Variants in RSRC1 observed in about 807,000 individuals in gnomAD.
The protein encoded by RSRC1 is arginine and serine rich coiled-coil 1.
In RSRC1, 39 loss-of-function variants were observed where a neutral mutation model predicts 49.1. That is an observed-to-expected ratio of 0.79 (90% CI 0.61 to 1.04). RSRC1 has a LOEUF of 1.04. Among genes scored for constraint, RSRC1 ranks in the 50% least tolerant of loss-of-function variants. The probability of loss-of-function intolerance (pLI) is 0.00; values close to 1 mark genes in which losing one functional copy is unlikely to be tolerated. For missense variants in RSRC1, 388 were observed against 402.4 expected, an observed-to-expected ratio of 0.96 and a Z score of 0.31; for synonymous variants, 143 against 130.8, an observed-to-expected ratio of 1.09 and a Z score of -0.63.
intron 4 of RSRC1, among the ~76,000 whole-genome samples, chr3:158,265,553 A>G (rs1484705381): frequency 6.6e-6 from 1 of 151,646 alleles, no homozygotes; most frequent in Non-Finnish European, 1.5e-5. Context: ...ATTGCTTGAA[A>G]CCGGGAGGCA....
intron 3 of RSRC1, among the ~76,000 whole-genome samples, chr3:158,170,031 A>C (rs1425765400): frequency 6.6e-6 from 1 of 152,148 alleles, no homozygotes; most frequent in African/African-American, 2.4e-5. Context: ...GATCTTCTTT[A>C]GAATTGATTT....
chr3:158,321,680 A>G (rs1728771171), intron 5 of RSRC1, among the ~76,000 whole-genome samples: 1 of 151,766 alleles, frequency 6.6e-6, no homozygotes, highest in South Asian at 2.1e-4. Flanking sequence ...AATGCCAAAA[A>G]CTGCAATTAC....
chr3:158,250,514 G>A (rs1281106278), intron 4 of RSRC1, among the ~76,000 whole-genome samples: 1 of 152,154 alleles, frequency 6.6e-6, no homozygotes, highest in African/African-American at 2.4e-5. Flanking sequence ...CATTTTAACT[G>A]GGGTGAGATA....
At chr3:158,265,248 T>G (rs1037840163) in intron 4 of RSRC1, among the ~76,000 whole-genome samples, 1 of 152,254 alleles carries the variant, frequency 6.6e-6, no homozygotes, top group Non-Finnish European at 1.5e-5. Context: ...TGGAATTTTT[T>G]TCTTGTTGTT....
At chr3:158,113,920 G>C (rs1043780474) in intron 1 of RSRC1, among the ~76,000 whole-genome samples, 1 of 151,786 alleles carries the variant, frequency 6.6e-6, no homozygotes, top group Admixed American at 6.6e-5. Flanking sequence ...CAGTTGTATA[G>C]GTTGCAAAAA....
Position 158,529,218 on chromosome 3 carries a change from A to G in RSRC1, c.653-7874A>G, listed in dbSNP as rs544860496. Among the ~76,000 whole-genome samples, 242 of 128,308 alleles carry G rather than the reference A, an allele frequency of 1.9e-3. 2 individuals are homozygous for G. The highest frequency in any genetic ancestry group is 7.0e-3 in the Admixed American group (92 of 13,200). 84.2% of individuals were successfully genotyped at this position (128,308 alleles called of 152,430 possible). On this transcript the variant is annotated intron_variant, in intron 7 of 9. Transcript: ENST00000611884. ...TGTATATATGTATGTGTGTGTGTAT[A>G]TATATATATATATATATCCTACAAA...
chr3:158,299,572 G>A (rs1038959384), intron 5 of RSRC1, among the ~76,000 whole-genome samples: 3 of 151,994 alleles, frequency 2.0e-5, no homozygotes, highest in Non-Finnish European at 4.4e-5. Context: ...CTGACCTCAG[G>A]TGATCCACCC....
At chr3:158,403,460 A>T (rs1733995566) in intron 6 of RSRC1, among the ~76,000 whole-genome samples, 1 of 151,774 alleles carries the variant, frequency 6.6e-6, no homozygotes, top group African/African-American at 2.4e-5. Context: ...CCAAATAAAA[A>T]AAAATTTAGA....
At chr3:158,352,062 G>T (rs13322986) in intron 5 of RSRC1, among the ~76,000 whole-genome samples, 2,570 of 151,734 alleles carry the variant, frequency 0.017, 66 homozygotes, top group African/African-American at 0.06. Context: ...TTGAGGCCAG[G>T]AGTTTGAGAC....
chr3:158,158,077 A>C (rs918442588), intron 3 of RSRC1, among the ~76,000 whole-genome samples: 4 of 152,216 alleles, frequency 2.6e-5, no homozygotes, highest in African/African-American at 9.6e-5. Context: ...ATTTATGAAT[A>C]GTATGTTCAA....
Position 158,203,203 on chromosome 3 carries a change from A to G in RSRC1, c.452A>G (p.Lys151Arg). 1.9e-6 allele frequency: 3 copies of G among 1,609,894 alleles called. No individual in the cohort carries two copies. The highest frequency in any genetic ancestry group is 1.7e-6 in the Non-Finnish European group (2 of 1,177,880). Reference sequence around the variant, plus strand: ...GATAAAGAGAAAAGAGAAAAGGAGAAGGATAAAGGGAAGGACAAGGAATTA... The same window carrying G: ...GATAAAGAGAAAAGAGAAAAGGAGAGGGATAAAGGGAAGGACAAGGAATTA... Reference protein sequence around the residue: ...GRDKEKREKEKDKGKDKELHN... With the variant: ...GRDKEKREKERDKGKDKELHN... Residue 151 changes from lysine to arginine, a missense_variant, in exon 4 of 10, where the codon AAG becomes AGG. By Grantham distance (26) the Lys-to-Arg change is conservative. Coordinates refer to ENST00000611884, the MANE Select transcript of RSRC1 (RefSeq NM_001271838.2).
chr3:158,447,647 G>A (rs1450697538), intron 6 of RSRC1, among the ~76,000 whole-genome samples: 1 of 151,812 alleles, frequency 6.6e-6, no homozygotes, highest in Non-Finnish European at 1.5e-5. Context: ...TTATATGAAA[G>A]TATCTTAAAG....
At chr3:158,245,562 C>T (rs2108002415) in intron 4 of RSRC1, among the ~76,000 whole-genome samples, 1 of 152,188 alleles carries the variant, frequency 6.6e-6, no homozygotes, top group African/African-American at 2.4e-5. Context: ...AAGTTAATGT[C>T]CTGAATATCT....
chr3:158,129,561 G>A (rs1715873585), intron 3 of RSRC1, among the ~76,000 whole-genome samples: 2 of 152,162 alleles, frequency 1.3e-5, no homozygotes. Context: ...AGAGTGCTGG[G>A]ATTACAAGCA....
At chr3:158,148,360 T>TGTGC (rs1717294310) in intron 3 of RSRC1, among the ~76,000 whole-genome samples, 1 of 98,878 alleles carries the variant, frequency 1.0e-5, no homozygotes, top group African/African-American at 4.8e-5. Flanking sequence ...GGTGTGTGTG[T>TGTGC]GTGTGCGTGT....
chr3:158,397,466 G>A lies in RSRC1; in HGVS notation c.583+42558G>A, dbSNP rs139271906. Among the ~76,000 whole-genome samples, 65 of 152,172 alleles carry A rather than the reference G, an allele frequency of 4.3e-4. No homozygotes were observed. The East Asian group carries it at 0.012, about 29-fold the overall frequency. On this transcript the variant is annotated intron_variant, in intron 6 of 9. Coordinates refer to ENST00000611884, the MANE Select transcript of RSRC1 (RefSeq NM_001271838.2). ...GAAATACCATTTGACCTACTTAGCC[G>A]GTGAGTATTTTGCCAGTGACTTAGC...
intron 5 of RSRC1, 64 bp from the exon 6 acceptor site, chr3:158,354,793 C>A: frequency 8.4e-7 from 1 of 1,184,580 alleles, no homozygotes; most frequent in Admixed American, 2.9e-5. Flanking sequence ...ATTTAAAACT[C>A]CATCAATTAA....
intron 6 of RSRC1, among the ~76,000 whole-genome samples, chr3:158,371,676 A>G (rs1300488190): frequency 2.6e-5 from 4 of 151,920 alleles, no homozygotes; most frequent in Non-Finnish European, 4.4e-5. Context: ...AACTTTCTCA[A>G]GTTAGATATT....
Position 158,209,583 on chromosome 3 carries a change from A to G in RSRC1, c.494+6338A>G, listed in dbSNP as rs1468090917. 3.3e-5 allele frequency among the ~76,000 whole-genome samples: 5 copies of G among 152,252 alleles called. No homozygotes were observed. In the South Asian group the frequency reaches 6.2e-4, roughly 19 times the overall value. ...TGTATTTCTAAGTGTGCCTTTCTTCATGACCTGCTACCATGAAAAGTTTTC... is the reference window on the plus strand; with the variant it reads ...TGTATTTCTAAGTGTGCCTTTCTTCGTGACCTGCTACCATGAAAAGTTTTC... On this transcript the variant is annotated intron_variant, in intron 4 of 9. Transcript: ENST00000611884.
Sources: gnomAD v4.1 joint callset for allele counts (sites outside exome capture counted in the v4.1 genomes callset) on GRCh38, gnomAD v4.1.1 for gene constraint, MANE v1.5 for transcripts, NCBI Gene and HGNC (gene_info 2026-07-23, HGNC 2026-07-21) for gene names.